The following SLC60A2 variants were observed in gnomAD, a reference collection of about 807,000 sequenced individuals.
SLC60A2 encodes major facilitator superfamily domain containing 4B.
chr6:111,267,331 G>T, the SLC60A2 span: 1 of 485,744 alleles, frequency 2.1e-6, no homozygotes, highest in South Asian at 3.5e-5. Flanking sequence ...ATAGGATCTT[G>T]TTATAACGCT....
the SLC60A2 span, chr6:111,263,785 A>G: frequency 9.9e-7 from 1 of 1,006,496 alleles, no homozygotes; most frequent in Non-Finnish European, 1.6e-6. Context: ...TTGATCCATG[A>G]CTGCATGGAT....
the SLC60A2 span, chr6:111,267,114 G>A: frequency 7.2e-5 from 116 of 1,601,320 alleles, 2 homozygotes; most frequent in Middle Eastern, 6.7e-3. Context: ...AGGGACTAAC[G>A]TTTAGAGAAG....
chr6:111,273,496 GTT>G, the SLC60A2 span, among the ~76,000 whole-genome samples: 2 of 109,872 alleles, frequency 1.8e-5, no homozygotes, highest in African/African-American at 2.8e-5. Flanking sequence ...TGAGATTTGT[GTT>G]TTTTTTTTTT....
chr6:111,260,998 A>G, the SLC60A2 span, among the ~76,000 whole-genome samples: 2 of 152,196 alleles, frequency 1.3e-5, no homozygotes, highest in Non-Finnish European at 2.9e-5. Context: ...TTATTCTGGA[A>G]ATGTAGACTG....
the SLC60A2 span, among the ~76,000 whole-genome samples, chr6:111,261,252 G>A: frequency 6.6e-6 from 1 of 152,288 alleles, no homozygotes; most frequent in African/African-American, 2.4e-5. Context: ...TTCAGGGGAA[G>A]GACTCCATGT....
the SLC60A2 span, chr6:111,265,221 A>G: frequency 1.1e-6 from 1 of 889,342 alleles, no homozygotes; most frequent in Non-Finnish European, 1.3e-6. Context: ...TAATTTTGTT[A>G]TGAAATTATA....
the SLC60A2 span, among the ~76,000 whole-genome samples, chr6:111,264,884 A>G: frequency 1.1e-4 from 16 of 152,058 alleles, no homozygotes; most frequent in Admixed American, 9.2e-4. Flanking sequence ...ACCTGAGGTC[A>G]GGAGTTCAAG....
the SLC60A2 span, among the ~76,000 whole-genome samples, chr6:111,279,515 T>C: frequency 6.6e-6 from 1 of 150,434 alleles, no homozygotes; most frequent in African/African-American, 2.5e-5. Flanking sequence ...CCCAAAGTGC[T>C]GAGATTACAG....
the SLC60A2 span, chr6:111,266,317 T>C: frequency 6.8e-6 from 11 of 1,614,014 alleles, no homozygotes; most frequent in South Asian, 1.2e-4. Context: ...GGCTCTTATG[T>C]TTTCTCATTT....
At chr6:111,278,949 T>C in the SLC60A2 span, among the ~76,000 whole-genome samples, 3 of 152,224 alleles carry the variant, frequency 2.0e-5, no homozygotes, top group African/African-American at 4.8e-5. Context: ...GATTAACCTT[T>C]GCTCCAGTGG....
the SLC60A2 span, chr6:111,269,944 C>T: frequency 7.5e-5 from 11 of 145,848 alleles, no homozygotes; most frequent in Admixed American, 6.8e-4. Flanking sequence ...CAGTACCACA[C>T]ATTGAACACC....
At chr6:111,262,505 C>T in the SLC60A2 span, 23,464 of 1,360,828 alleles carry the variant, frequency 0.017, 390 homozygotes, top group South Asian at 0.06. Context: ...AAAATACTAG[C>T]ATGCAGAATG....
the SLC60A2 span, among the ~76,000 whole-genome samples, chr6:111,274,414 G>T: frequency 6.6e-6 from 1 of 152,208 alleles, no homozygotes; most frequent in East Asian, 1.9e-4. Flanking sequence ...GTTTTTTGCA[G>T]GCAGCATACA....
At chr6:111,267,218 T>C in the SLC60A2 span, 1 of 1,236,676 alleles carries the variant, frequency 8.1e-7, no homozygotes, top group Non-Finnish European at 1.1e-6. Context: ...CTTTGGGGAT[T>C]AAAATTTTTA....
At chr6:111,262,686 G>C in the SLC60A2 span, among the ~76,000 whole-genome samples, 1 of 152,106 alleles carries the variant, frequency 6.6e-6, no homozygotes, top group African/African-American at 2.4e-5. Flanking sequence ...CTATAATTTA[G>C]CTACCACTCC....
chr6:111,267,485 G>T, the SLC60A2 span: 4 of 167,552 alleles, frequency 2.4e-5, no homozygotes, highest in African/African-American at 9.6e-5. Flanking sequence ...CAAATTATCA[G>T]GTATCAATAT....
At chr6:111,266,261 C>A in the SLC60A2 span, 1 of 1,614,168 alleles carries the variant, frequency 6.2e-7, no homozygotes, top group East Asian at 2.2e-5. Flanking sequence ...TTCTTTGTCT[C>A]CTTTTTCTGT....
chr6:111,259,849 T>C, the SLC60A2 span: 6 of 725,766 alleles, frequency 8.3e-6, no homozygotes, highest in Middle Eastern at 2.5e-4. Context: ...ATCTAGAAAA[T>C]GGGCACAATT....
chr6:111,270,502 G>C, the SLC60A2 span: 1 of 152,140 alleles, frequency 6.6e-6, no homozygotes, highest in Non-Finnish European at 1.5e-5. Context: ...GGGCAATATA[G>C]TGAGACCTCT....
Sources: allele counts gnomAD v4.1 joint callset (sites outside exome capture counted in the v4.1 genomes callset), GRCh38; gene constraint gnomAD v4.1.1; transcripts MANE v1.5; gene names NCBI Gene and HGNC (gene_info 2026-07-23, HGNC 2026-07-21).